The following CTNNA2 variants were observed in gnomAD, a reference collection of about 807,000 sequenced individuals.
CTNNA2 encodes catenin alpha 2.
CTNNA2 carries 42 observed loss-of-function variants against 101.0 expected under a neutral mutation model. The observed-to-expected ratio is 0.42, with a 90% CI of 0.32 to 0.54. The LOEUF is 0.54. CTNNA2 is among the 20% of genes least tolerant of loss of function. The pLI, the probability that CTNNA2 is intolerant of heterozygous loss-of-function variation, is 0.14. For missense variants in CTNNA2, 871 were observed against 1,223.1 expected (o/e 0.71, Z 4.29); for synonymous variants, 450 against 456.4 (o/e 0.99, Z 0.18).
chr2:80,617,898 A>G (rs1698987242), intron 17 of CTNNA2, among the ~76,000 whole-genome samples: 1 of 151,806 alleles, frequency 6.6e-6, no homozygotes, highest in Non-Finnish European at 1.5e-5. Flanking sequence ...TGATGCCATA[A>G]TTTGCAAGCT....
chr2:79,440,553 A>G (rs1166883351), intron 4 of CTNNA2, among the ~76,000 whole-genome samples: 2 of 152,184 alleles, frequency 1.3e-5, no homozygotes, highest in African/African-American at 4.8e-5. Context: ...TGAGACTACA[A>G]TACAAAGACC....
intron 1 of CTNNA2, among the ~76,000 whole-genome samples, chr2:79,560,539 G>C (rs954235306): frequency 1.3e-5 from 2 of 151,898 alleles, no homozygotes; most frequent in African/African-American, 4.8e-5. Context: ...AGGAGTATGT[G>C]GCAGGTGCAG....
chr2:80,138,898 T>G (rs2148906191), intron 7 of CTNNA2, among the ~76,000 whole-genome samples: 1 of 152,276 alleles, frequency 6.6e-6, no homozygotes, highest in East Asian at 1.9e-4. Context: ...TCCACTTTTT[T>G]TGTGCCCCTC....
intron 6 of CTNNA2, 95 bp downstream of exon 6, chr2:79,874,437 A>T: frequency 7.0e-7 from 1 of 1,421,402 alleles, no homozygotes; most frequent in Non-Finnish European, 9.5e-7. Flanking sequence ...AATAATTTAC[A>T]TTGATTTTTC....
chr2:79,294,735 C>T (rs1675933849), intron 2 of CTNNA2, among the ~76,000 whole-genome samples: 3 of 152,052 alleles, frequency 2.0e-5, no homozygotes, highest in South Asian at 2.1e-4. Flanking sequence ...ATTTTTTACT[C>T]AGCCATATGT....
At chr2:80,430,038 A>G (rs1681351936) in intron 9 of CTNNA2, among the ~76,000 whole-genome samples, 1 of 152,212 alleles carries the variant, frequency 6.6e-6, no homozygotes, top group African/African-American at 2.4e-5. Context: ...AGAGAAACCA[A>G]CTATTAGTTT....
intron 1 of CTNNA2, chr2:79,634,737 A>G (rs1679906616): frequency 6.6e-6 from 1 of 152,422 alleles, no homozygotes; most frequent in African/African-American, 2.4e-5. Flanking sequence ...AAGCTGGCCT[A>G]TGGAAGGAAT....
chr2:80,080,529 G>A (rs932949354), intron 7 of CTNNA2, among the ~76,000 whole-genome samples: 3 of 152,184 alleles, frequency 2.0e-5, no homozygotes, highest in African/African-American at 7.2e-5. Context: ...AGAAACATGG[G>A]AGAATAGCTT....
At chr2:79,620,519 T>C (rs1678927376) in intron 1 of CTNNA2, among the ~76,000 whole-genome samples, 1 of 152,226 alleles carries the variant, frequency 6.6e-6, no homozygotes, top group African/African-American at 2.4e-5. Context: ...GCTAAGGACC[T>C]AGGCCTTGTT....
intron 1 of CTNNA2, among the ~76,000 whole-genome samples, chr2:79,530,626 T>G (rs1053855670): frequency 6.6e-6 from 1 of 152,178 alleles, no homozygotes; most frequent in Non-Finnish European, 1.5e-5. Context: ...GAGAGGCCGC[T>G]AGAGGCCACT....
intron 7 of CTNNA2, among the ~76,000 whole-genome samples, chr2:80,263,659 T>G (rs959083476): frequency 6.6e-6 from 1 of 152,178 alleles, no homozygotes; most frequent in Non-Finnish European, 1.5e-5. Context: ...TTAAATTCAG[T>G]TCCTTAGCCA....
At chr2:79,958,350 G>A (rs1400992841) in intron 7 of CTNNA2, among the ~76,000 whole-genome samples, 1 of 137,216 alleles carries the variant, frequency 7.3e-6, no homozygotes, top group African/African-American at 2.5e-5. Flanking sequence ...AAGGGACTTT[G>A]CAGATGTAAT....
At chr2:80,366,779 G>A (rs996771621) in intron 7 of CTNNA2, among the ~76,000 whole-genome samples, 13 of 152,226 alleles carry the variant, frequency 8.5e-5, no homozygotes, top group African/African-American at 3.1e-4. Context: ...AGTTTCTTTT[G>A]CCAAGGTTGC....
intron 11 of CTNNA2, among the ~76,000 whole-genome samples, chr2:80,554,187 G>A (rs1448369614): frequency 2.0e-5 from 3 of 152,104 alleles, no homozygotes; most frequent in Non-Finnish European, 4.4e-5. Context: ...GCTTAATTTA[G>A]TAAAAGTAGG....
chr2:80,485,561 T>A (rs866346112), intron 9 of CTNNA2, among the ~76,000 whole-genome samples: 1 of 152,188 alleles, frequency 6.6e-6, no homozygotes, highest in African/African-American at 2.4e-5. Flanking sequence ...TTTTTCAGAT[T>A]TCAAATGCCA....
At chr2:80,414,137 A>C (rs1679833631) in intron 8 of CTNNA2, among the ~76,000 whole-genome samples, 1 of 152,208 alleles carries the variant, frequency 6.6e-6, no homozygotes. Flanking sequence ...GCAAAGAAAG[A>C]AAGCTTTCAT....
intron 4 of CTNNA2, among the ~76,000 whole-genome samples, chr2:79,388,814 A>C (rs546220444): frequency 6.6e-6 from 1 of 150,922 alleles, no homozygotes; most frequent in Non-Finnish European, 1.5e-5. Context: ...TTATTTTGCT[A>C]TCCTCTCCCC....
At chr2:80,226,904 C>G (rs7568013) in intron 7 of CTNNA2, among the ~76,000 whole-genome samples, 32,133 of 152,106 alleles carry the variant, frequency 0.21, 5,033 homozygotes, top group African/African-American at 0.43. Context: ...AGTGTCACCC[C>G]CCTTCACTTT....
intron 4 of CTNNA2, among the ~76,000 whole-genome samples, chr2:79,415,409 A>G (rs2104496397): frequency 6.6e-6 from 1 of 152,256 alleles, no homozygotes; most frequent in Non-Finnish European, 1.5e-5. Flanking sequence ...TTCTTTATAA[A>G]TTACCCAACC....
Sources: gnomAD v4.1 joint callset for allele counts (sites outside exome capture counted in the v4.1 genomes callset) on GRCh38, gnomAD v4.1.1 for gene constraint, MANE v1.5 for transcripts, NCBI Gene and HGNC (gene_info 2026-07-23, HGNC 2026-07-21) for gene names.